Variants in LRP1B observed in about 807,000 individuals in gnomAD.
The protein encoded by LRP1B is low-density lipoprotein receptor-related protein 1B.
A neutral mutation model predicts 556.6 loss-of-function variants in LRP1B; 217 were observed. The ratio of observed to expected loss-of-function variants is 0.39; its 90% CI spans 0.35 to 0.44. The LOEUF (loss-of-function observed/expected upper bound fraction) is 0.44. LRP1B is among the 20% of genes least tolerant of loss of function. The pLI is 1.00. For missense variants in LRP1B, 5,053 were observed against 5,620.8 expected (o/e 0.90, Z 3.23); for synonymous variants, 2,047 against 1,865.8 (o/e 1.10, Z -2.50).
intron 2 of LRP1B, among the ~76,000 whole-genome samples, chr2:141,712,788 G>A (rs1451863173): frequency 6.7e-6 from 1 of 150,034 alleles, no homozygotes; most frequent in Non-Finnish European, 1.5e-5. Context: ...TCCTGCCTCA[G>A]CCTCCCTAGT....
intron 55 of LRP1B, 147 bp from the exon 56 acceptor site, chr2:140,495,895 A>G (rs921404704): frequency 4.4e-5 from 26 of 597,520 alleles, no homozygotes; most frequent in Non-Finnish European, 7.3e-5. Flanking sequence ...CTTTGATGGG[A>G]ATTATGTATA....
rs938697676 is a variant in LRP1B, at chr2:140,374,982, G to A, written c.10639-1845C>T. Among the ~76,000 whole-genome samples, 18 of 151,902 alleles carry A rather than the reference G, an allele frequency of 1.2e-4. 1 individual carries two copies. Among genetic ancestry groups the A allele is most frequent in the African/African-American group, 3.1e-4 (13 of 41,350 alleles). Reference sequence around the variant, plus strand: ...TTTCTTTAATGTATAACTATTTCTCGTTCTTCAGTTTTTTTAAATGCCATT... The same window carrying A: ...TTTCTTTAATGTATAACTATTTCTCATTCTTCAGTTTTTTTAAATGCCATT... On this transcript the variant is annotated intron_variant, in intron 68 of 90. Transcript: ENST00000389484.
At chr2:141,958,785 C>T (rs1286041184) in intron 1 of LRP1B, among the ~76,000 whole-genome samples, 1 of 151,966 alleles carries the variant, frequency 6.6e-6, no homozygotes, top group East Asian at 1.9e-4. Context: ...GAATGAATTG[C>T]AGCTGTAACT....
chr2:141,268,819 C>G (rs1174183651), intron 3 of LRP1B, among the ~76,000 whole-genome samples: 1 of 152,078 alleles, frequency 6.6e-6, no homozygotes, highest in Non-Finnish European at 1.5e-5. Context: ...CCAGGAATAT[C>G]AAATTACAAA....
chr2:140,338,638 C>A (rs1331352623), intron 77 of LRP1B, among the ~76,000 whole-genome samples: 1 of 151,550 alleles, frequency 6.6e-6, no homozygotes, highest in Non-Finnish European at 1.5e-5. Context: ...GGCAGAAACC[C>A]CTGTTGGATC....
chr2:142,036,625 C>T (rs1000871172), intron 1 of LRP1B, among the ~76,000 whole-genome samples: 1 of 151,500 alleles, frequency 6.6e-6, no homozygotes, highest in Non-Finnish European at 1.5e-5. Context: ...AAATTAAAAC[C>T]TGTTCCATAT....
At position 141,230,897 on chromosome 2, in the gene LRP1B, T is replaced by G. The variant is rs1004107732; in HGVS notation, c.593-1457A>C. Among the ~76,000 whole-genome samples the G allele has an allele frequency of 2.6e-5, 4 of 152,318 alleles. No homozygotes were observed. In the East Asian group the frequency reaches 5.8e-4, roughly 22 times the overall value. ...TAGTTCTTTCTTATTCACCATAGTA[T>G]GTTTTATATATTTTTCTGATTATTT... On this transcript the variant is annotated intron_variant, in intron 5 of 90. Coordinates refer to ENST00000389484, the MANE Select transcript of LRP1B (RefSeq NM_018557.3).
At chr2:141,648,471 G>A (rs1574192150) in intron 2 of LRP1B, among the ~76,000 whole-genome samples, 1 of 152,218 alleles carries the variant, frequency 6.6e-6, no homozygotes, top group East Asian at 1.9e-4. Context: ...CAGGAGAAAT[G>A]GACTTTTCTC....
chr2:141,687,281 A>T (rs1304054842), intron 2 of LRP1B, among the ~76,000 whole-genome samples: 1 of 151,940 alleles, frequency 6.6e-6, no homozygotes, highest in Admixed American at 6.6e-5. Context: ...AACCTAGATA[A>T]CATTAATAGG....
chr2:142,062,424 A>G (rs1704955316), intron 1 of LRP1B, among the ~76,000 whole-genome samples: 1 of 151,812 alleles, frequency 6.6e-6, no homozygotes, highest in Non-Finnish European at 1.5e-5. Flanking sequence ...CCAATCAAAA[A>G]TATTTCATGA....
rs148256177 is a variant in LRP1B at position 140,516,908 on chromosome 2, T to G, written c.8130A>C (p.Gly2710=). 669 of 1,613,456 alleles carry G rather than the reference T, an allele frequency of 4.1e-4. 2 individuals carry two copies. The highest frequency in any genetic ancestry group is 3.9e-3 in the South Asian group (357 of 91,048). ...ICDGQKDCED[G]RDEFHCDSSC... is the part of the protein sequence containing the mutation. ...TCTCACCACAGTGGAATTCATCACG[T>G]CCATCCTCACAATCTTTCTGACCAT... Residue 2710 remains glycine (G), a synonymous_variant, in exon 50 of 91, where the codon GGA becomes GGC. Coordinates refer to ENST00000389484, the MANE Select transcript of LRP1B (RefSeq NM_018557.3).
chr2:140,908,984 A>G (rs1486468880), intron 21 of LRP1B, among the ~76,000 whole-genome samples: 1 of 152,054 alleles, frequency 6.6e-6, no homozygotes, highest in Non-Finnish European at 1.5e-5. Flanking sequence ...TTTTTAGTAG[A>G]GATGGGGTTT....
chr2:140,584,773 A>G (rs1681915350), intron 43 of LRP1B, among the ~76,000 whole-genome samples: 1 of 152,142 alleles, frequency 6.6e-6, no homozygotes, highest in African/African-American at 2.4e-5. Flanking sequence ...TAAGAAATAA[A>G]CACTATTAAG....
At chr2:141,411,544 T>C (rs186415259) in intron 3 of LRP1B, among the ~76,000 whole-genome samples, 30 of 152,304 alleles carry the variant, frequency 2.0e-4, no homozygotes, top group Admixed American at 9.1e-4. Flanking sequence ...TGTTTGCCAG[T>C]GTCAGACTTG....
intron 35 of LRP1B, among the ~76,000 whole-genome samples, chr2:140,767,462 C>A (rs1344162666): frequency 6.6e-6 from 1 of 151,766 alleles, no homozygotes; most frequent in Non-Finnish European, 1.5e-5. Context: ...CTATTCTCTG[C>A]AAATAAACAT....
chr2:141,221,774 C>G (rs371175947), intron 6 of LRP1B, among the ~76,000 whole-genome samples: 14 of 152,160 alleles, frequency 9.2e-5, no homozygotes, highest in Non-Finnish European at 1.9e-4. Flanking sequence ...TTAAGAAACT[C>G]ACTGAAAATC....
intron 2 of LRP1B, among the ~76,000 whole-genome samples, chr2:141,577,283 G>GT (rs528086628): frequency 6.6e-6 from 1 of 152,246 alleles, no homozygotes. Context: ...TTCTTTTGCT[G>GT]TATGATTTGG....
chr2:141,737,996 G>A (rs1693554525), intron 2 of LRP1B, among the ~76,000 whole-genome samples: 1 of 151,864 alleles, frequency 6.6e-6, no homozygotes, highest in Non-Finnish European at 1.5e-5. Flanking sequence ...AAGAACTGTT[G>A]TAATTGCTCC....
chr2:142,022,865 C>T lies in LRP1B; in HGVS notation c.82+107783G>A, dbSNP rs563563124. Among the ~76,000 whole-genome samples, 4 of 151,874 alleles carry T rather than the reference C, an allele frequency of 2.6e-5. No homozygotes were observed. In the South Asian group the frequency reaches 6.2e-4, roughly 24 times the overall value. On this transcript the variant is annotated intron_variant, in intron 1 of 90. Coordinates refer to ENST00000389484, the MANE Select transcript of LRP1B (RefSeq NM_018557.3). ...TTTTTAAATTTTTTTTTAGTAGAGT[C>T]GGGGTTTCACCCTGTTGGCCAGGAT... is the stretch of plus-strand genomic sequence containing the variant.
Sources: allele counts gnomAD v4.1 joint callset (sites outside exome capture counted in the v4.1 genomes callset), GRCh38; gene constraint gnomAD v4.1.1; transcripts MANE v1.5; gene names NCBI Gene and HGNC (gene_info 2026-07-23, HGNC 2026-07-21).